CARMIL3: variants seen among roughly 807,000 people sequenced by gnomAD.
CARMIL3 encodes capping protein, Arp2/3 and myosin-I linker protein 3.
Under a neutral mutation model 180.8 loss-of-function variants are expected in CARMIL3, and 88 were observed. The observed-to-expected ratio is 0.49, with a 90% CI of 0.41 to 0.58. CARMIL3 has a LOEUF of 0.58. Ranked by LOEUF, CARMIL3 falls within the 20% of genes least tolerant of loss-of-function variation. The pLI, the probability that CARMIL3 is intolerant of heterozygous loss-of-function variation, is 0.00. For synonymous variants in CARMIL3, 696 were observed against 714.5 expected, an observed-to-expected ratio of 0.97 and a Z score of 0.41; for missense variants, 1,548 against 1,787.0, an observed-to-expected ratio of 0.87 and a Z score of 2.41.
Position 24,069,555 on chromosome 14 carries a change from T to G in CARMIL3, c.*151T>G. 1 of 984,394 alleles carries G rather than the reference T, an allele frequency of 1.0e-6. No homozygotes were observed. The highest frequency in any genetic ancestry group is 1.5e-6 in the Non-Finnish European group (1 of 669,380). 61.0% of individuals were successfully genotyped at this position (984,394 alleles called of 1,614,324 possible). A position where few individuals can be genotyped will look rare whatever the true frequency, so the allele number is the denominator to read the frequency against. On this transcript the variant is annotated 3_prime_UTR_variant, in exon 40 of 40. Transcript: ENST00000342740. ...GCATGGGGGAGCTGGAGGCAGGGACTAGAACAGAGGGAGCCACCTGGAGAG... is the reference window on the plus strand; with the variant it reads ...GCATGGGGGAGCTGGAGGCAGGGACGAGAACAGAGGGAGCCACCTGGAGAG...
Position 24,068,843 on chromosome 14 carries a change from C to T in CARMIL3, c.3859C>T (p.Arg1287Cys), listed in dbSNP as rs376849687. 74 of 1,613,506 alleles carry T rather than the reference C, an allele frequency of 4.6e-5. No homozygotes were observed. Among genetic ancestry groups the T allele is most frequent in the Middle Eastern group, 1.6e-4 (1 of 6,082 alleles). Residue 1287 changes from arginine to cysteine, a missense_variant, in exon 38 of 40, where the codon CGC becomes TGC. Arg to Cys is a radical substitution (Grantham distance 180). Coordinates refer to ENST00000342740, the MANE Select transcript of CARMIL3 (RefSeq NM_138360.4). ...PPKPVAVPRG[R>C]QPPQEPGVRE... is the part of the protein sequence containing the mutation. ...CAAGCCAGTGGCTGTGCCCAGGGGC[C>T]GCCAGCCTCCCCAGGAGCCAGGGGT...
At position 24,068,968 on chromosome 14, in the gene CARMIL3, TCTGCCACC is replaced by T. The variant is rs775071369; in HGVS notation, c.3982+6_3982+13del. The T allele has an allele frequency of 1.0e-5, 16 of 1,550,376 alleles. No individual in the cohort carries two copies. In the African/African-American group the frequency reaches 1.9e-4, roughly 18 times the overall value. ...ACCAAGAGGAGCCCGAAGTCCAAGG[TCTGCCACC>T]CTGGCTGAGTGGGGGGCTCAGGGCA... On this transcript the variant is annotated splice_donor_5th_base_variant and intron_variant, in intron 38 of 39. Transcript: ENST00000342740.
At chr14:24,056,883 G>A (rs773592572) in intron 12 of CARMIL3, 32 bp from the exon 13 acceptor site, 2 of 1,604,300 alleles carry the variant, frequency 1.2e-6, no homozygotes, top group South Asian at 1.1e-5. Context: ...TGGGGCTAGG[G>A]GCCAACCCAG....
chr14:24,052,302 T>G, intron 1 of CARMIL3, 109 bp downstream of exon 1: 1 of 1,121,824 alleles, frequency 8.9e-7, no homozygotes, highest in Non-Finnish European at 1.2e-6. Context: ...CCTCACCCCA[T>G]GCATCCTGGC....
Position 24,061,548 on chromosome 14 carries a change from A to C in CARMIL3, c.2356A>C (p.Met786Leu), listed in dbSNP as rs2035733598. Residue 786 changes from methionine to leucine, a missense_variant, in exon 27 of 40, where the codon ATG (methionine) becomes CTG (leucine). Met to Leu is a conservative substitution (Grantham distance 15). Around this residue, in one of 4 missense-constraint regions of CARMIL3, gnomAD observed 297 missense variants for 415.9 expected, o/e 0.71. Coordinates refer to ENST00000342740, the MANE Select transcript of CARMIL3 (RefSeq NM_138360.4). This position sits in a 1 kb window ranked among gnomAD's most constrained non-coding sequence, Gnocchi z 4.1. Reference sequence around the variant, plus strand: ...GACACAGGAGTTATGCCCTGTGGCCATGCGGGTGGCCGAGGGACACAACAA... The same window carrying C: ...GACACAGGAGTTATGCCCTGTGGCCCTGCGGGTGGCCGAGGGACACAACAA... Reference protein sequence around the residue: ...SLTQELCPVAMRVAEGHNKML... With the variant: ...SLTQELCPVALRVAEGHNKML... The C allele has an allele frequency of 6.2e-7, 1 of 1,613,990 alleles. No homozygotes were observed. The highest frequency in any genetic ancestry group is 1.3e-5 in the African/African-American group (1 of 74,910).
Position 24,063,130 on chromosome 14 carries a change from C to A in CARMIL3, c.2717C>A (p.Ala906Asp). The change falls in exon 30 of 40, where the codon GCC (alanine) becomes GAC (aspartate). Residue 906 changes from alanine (A) to aspartate (D), a missense_variant. Physicochemically the swap from Ala to Asp is moderately radical, Grantham distance 126. Coordinates refer to ENST00000342740, the MANE Select transcript of CARMIL3 (RefSeq NM_138360.4). Reference sequence around the variant, plus strand: ...TCTTCATTTCTGCAGGACACCATGGCCATCAAAAAGCAGAAACGCTGCCGC... The same window carrying A: ...TCTTCATTTCTGCAGGACACCATGGACATCAAAAAGCAGAAACGCTGCCGC... ...DELGTNIDTM[A>D]IKKQKRCRKI... The A allele has an allele frequency of 6.2e-7, 1 of 1,613,462 alleles. No individual in the cohort carries two copies. Among genetic ancestry groups the A allele is most frequent in the Non-Finnish European group, 8.5e-7 (1 of 1,179,420 alleles).
chr14:24,069,269 G>A lies in CARMIL3; in HGVS notation c.4093+22G>A, dbSNP rs371120384. The A allele has an allele frequency of 4.4e-5, 71 of 1,612,762 alleles. 2 individuals are homozygous for A. In the South Asian group the frequency reaches 4.7e-4, roughly 11 times the overall value. On this transcript the variant is annotated intron_variant, in intron 39 of 39. Transcript: ENST00000342740. ...ACAGGTGCTGGTGGTGAGAGGGCAG[G>A]TCCCCCCTTCCCACCTATCTGTCCA...
Position 24,069,524 on chromosome 14 carries a change from G to A in CARMIL3, c.*120G>A. The A allele has an allele frequency of 2.2e-6, 3 of 1,337,766 alleles. No homozygotes were observed. Among genetic ancestry groups the A allele is most frequent in the East Asian group, 2.5e-5 (1 of 40,796 alleles). The allele number at this position is 1,337,766 out of a possible 1,614,324, so 82.9% of individuals were successfully genotyped here. On this transcript the variant is annotated 3_prime_UTR_variant, in exon 40 of 40. Coordinates refer to ENST00000342740, the MANE Select transcript of CARMIL3 (RefSeq NM_138360.4). ...CTGTCCTACAGGGGCAAGACGGCAG[G>A]ACCAGGCATGGGGGAGCTGGAGGCA...
chr14:24,061,427 C>T lies in CARMIL3; in HGVS notation c.2305-70C>T. On this transcript the variant is annotated intron_variant, in intron 26 of 39. Coordinates refer to ENST00000342740, the MANE Select transcript of CARMIL3 (RefSeq NM_138360.4). This position sits in a 1 kb window ranked among gnomAD's most constrained non-coding sequence, Gnocchi z 4.1. ...CAGGAGGGGCTGGAATAGATAAAGT[C>T]TCTTCTGCTGTGGTGCCAGCCCTGA... 3 of 1,486,786 alleles carry T rather than the reference C, an allele frequency of 2.0e-6. No homozygotes were observed. Among genetic ancestry groups the T allele is most frequent in the Non-Finnish European group, 2.7e-6 (3 of 1,095,230 alleles). The allele number at this position is 1,486,786 out of a possible 1,614,324, so 92.1% of individuals were successfully genotyped here.
chr14:24,065,110 T>TCCG lies in CARMIL3; in HGVS notation c.3235_3236insGCC (p.Leu1078_Leu1079insArg). On this transcript the variant is annotated inframe_insertion, in exon 33 of 40. Transcript: ENST00000342740. ...CCGGGGTCCCCTACCACTGGACTCC[T>TCCG]CCTCCCTCCACCCCCACCCCCTCCC... The TCCG allele has an allele frequency of 6.5e-7, 1 of 1,530,314 alleles. No individual in the cohort carries two copies. The highest frequency in any genetic ancestry group is 8.8e-7 in the Non-Finnish European group (1 of 1,141,228). The allele number at this position is 1,530,314 out of a possible 1,614,324, so 94.8% of individuals were successfully genotyped here. A position where few individuals can be genotyped will look rare whatever the true frequency, so the allele number is the denominator to read the frequency against.
chr14:24,054,632 T>C lies in CARMIL3; in HGVS notation c.363-79T>C, dbSNP rs2082664595. On this transcript the variant is annotated intron_variant, in intron 5 of 39. Transcript: ENST00000342740. This position sits in a 1 kb window ranked among gnomAD's most constrained non-coding sequence, Gnocchi z 5.1. ...TCATGTCCCCACTCCTGGTTTTTCCTGGGATGCAGGAGCTATAACGTGGGA... is the reference window on the plus strand; with the variant it reads ...TCATGTCCCCACTCCTGGTTTTTCCCGGGATGCAGGAGCTATAACGTGGGA... 2 of 1,521,408 alleles carry C rather than the reference T, an allele frequency of 1.3e-6. No individual in the cohort carries two copies. The highest frequency in any genetic ancestry group is 9.0e-7 in the Non-Finnish European group (1 of 1,109,906). 94.2% of individuals were successfully genotyped at this position (1,521,408 alleles called of 1,614,324 possible).
Position 24,059,084 on chromosome 14 carries a change from T to C in CARMIL3, c.1572-51T>C. 1 of 1,585,132 alleles carries C rather than the reference T, an allele frequency of 6.3e-7. No individual in the cohort carries two copies. Among genetic ancestry groups the C allele is most frequent in the Non-Finnish European group, 8.6e-7 (1 of 1,165,378 alleles). On this transcript the variant is annotated intron_variant, in intron 19 of 39. Coordinates refer to ENST00000342740, the MANE Select transcript of CARMIL3 (RefSeq NM_138360.4). The surrounding 1 kb of genome is among the most constrained non-coding windows in gnomAD (Gnocchi z 6.3). ...TCTGGCCACCTCTCTCCTCCTCCAA[T>C]AGCATGACCCCAGCCCTTCCCCTCC...
intron 27 of CARMIL3, 155 bp from the exon 28 acceptor site, chr14:24,062,325 G>C (rs984952110): frequency 6.9e-6 from 5 of 729,816 alleles, no homozygotes; most frequent in South Asian, 4.7e-5. Context: ...AGTGTCAAGG[G>C]CTAGGCTGCC....
chr14:24,068,873 G>A lies in CARMIL3; in HGVS notation c.3889G>A (p.Glu1297Lys), dbSNP rs1382879595. 6.2e-7 allele frequency: 1 copy of A among 1,611,362 alleles called. No individual in the cohort carries two copies. The highest frequency in any genetic ancestry group is 1.3e-5 in the African/African-American group (1 of 74,894). Residue 1297 changes from glutamate (E) to lysine (K), a missense_variant, in exon 38 of 40, where the codon GAG becomes AAG. Glu to Lys is a moderately conservative substitution (Grantham distance 56). Transcript: ENST00000342740. ...RQPPQEPGVREEAEAGDAAPG... is the reference protein window; with the variant it reads ...RQPPQEPGVRKEAEAGDAAPG... The stretch of plus-strand genomic sequence containing the variant: ...GCCTCCCCAGGAGCCAGGGGTCAGG[G>A]AGGAGGCTGAGGCTGGAGATGCAGC...
chr14:24,059,340 GC>G lies in CARMIL3; in HGVS notation c.1698del (p.Ser567AlafsTer10). On this transcript the variant is annotated frameshift_variant, in exon 21 of 40. Transcript: ENST00000342740. LOFTEE classifies it high-confidence loss of function. The surrounding 1 kb of genome is among the most constrained non-coding windows in gnomAD (Gnocchi z 6.3). ...ACCAGCATCCTCATCAATGCCCTGG[GC>G]AGCAACACCTGCCTGGCCAAGGTGG... ...LRTSILINAL[G>X]SNTCLAKVDL... 6.2e-7 allele frequency: 1 copy of G among 1,613,968 alleles called. No individual in the cohort carries two copies. The highest frequency in any genetic ancestry group is 8.5e-7 in the Non-Finnish European group (1 of 1,180,006).
chr14:24,062,199 G>C, intron 27 of CARMIL3: 1 of 537,630 alleles, frequency 1.9e-6, no homozygotes, highest in Non-Finnish European at 3.3e-6. Context: ...TTCCACTGGG[G>C]CTCCAGGGGC....
chr14:24,053,655 G>T, intron 1 of CARMIL3, 54 bp from the exon 2 acceptor site: 1 of 1,366,784 alleles, frequency 7.3e-7, no homozygotes, highest in South Asian at 1.3e-5. Context: ...GCTCTGGGAG[G>T]TGGGGGTGGC....
chr14:24,066,607 C>G lies in CARMIL3; in HGVS notation c.3633C>G (p.Thr1211=), dbSNP rs117215867. 2.7e-4 allele frequency: 436 copies of G among 1,614,214 alleles called. 1 individual carries two copies. The highest frequency in any genetic ancestry group is 2.0e-3 in the Middle Eastern group (12 of 6,062). The change falls in exon 36 of 40, where the codon ACC becomes ACG. Residue 1211 remains threonine (T), a synonymous_variant. Coordinates refer to ENST00000342740, the MANE Select transcript of CARMIL3 (RefSeq NM_138360.4). The part of the protein sequence containing the change: ...SWKPPPPPQS[T]KPSFSAMRRA... ...AGCCCCCACCACCGCCCCAAAGCAC[C>G]AAACCAAGCTTCAGCGCCATGCGCA...
At position 24,058,400 on chromosome 14, in the gene CARMIL3, C is replaced by T. The variant is rs1245573838; in HGVS notation, c.1392+176C>T. The stretch of plus-strand genomic sequence containing the variant: ...CTCTTTTCCAGAGGCCATTCATTCT[C>T]AGTCTCTAGTATCTCTGCCCTTAAA... On this transcript the variant is annotated intron_variant, in intron 17 of 39. Coordinates refer to ENST00000342740, the MANE Select transcript of CARMIL3 (RefSeq NM_138360.4). This position sits in a 1 kb window ranked among gnomAD's most constrained non-coding sequence, Gnocchi z 6.4. Among the ~76,000 whole-genome samples the T allele has an allele frequency of 6.6e-6, 1 of 152,204 alleles. No individual in the cohort carries two copies. Among genetic ancestry groups the T allele is most frequent in the Non-Finnish European group, 1.5e-5 (1 of 68,046 alleles).
Sources: gnomAD v4.1 joint callset for allele counts (sites outside exome capture counted in the v4.1 genomes callset) on GRCh38, gnomAD v4.1.1 for gene constraint, gnomAD v4.1.1 regional missense constraint, Gnocchi (gnomAD v3.1) non-coding constraint, MANE v1.5 for transcripts, NCBI Gene and HGNC (gene_info 2026-07-23, HGNC 2026-07-21) for gene names.